DAB1: variants seen among roughly 807,000 people sequenced by gnomAD.
DAB1 encodes disabled homolog 1.
A neutral mutation model predicts 64.6 loss-of-function variants in DAB1; 15 were observed. The observed-to-expected ratio is 0.23, with a 90% CI of 0.16 to 0.36. The LOEUF is 0.36. Among genes scored for constraint, DAB1 ranks in the 10% least tolerant of loss-of-function variants. The probability of loss-of-function intolerance (pLI) is 1.00; values close to 1 mark genes in which losing one functional copy is unlikely to be tolerated. For synonymous variants in DAB1, 235 were observed against 251.9 expected (o/e 0.93, Z 0.64); for missense variants, 596 against 706.7 (o/e 0.84, Z 1.78).
At chr1:57,161,564 C>T (rs998816280) in intron 2 of DAB1, among the ~76,000 whole-genome samples, 5 of 152,076 alleles carry the variant, frequency 3.3e-5, no homozygotes, top group African/African-American at 7.2e-5. Context: ...CTGACAAAGT[C>T]GTATTAGCTG....
intron 5 of DAB1, among the ~76,000 whole-genome samples, chr1:57,907,993 TAA>T (rs2102004309): frequency 6.6e-6 from 1 of 151,788 alleles, no homozygotes; most frequent in African/African-American, 2.4e-5. Context: ...TTACTAAATA[TAA>T]GTCCTCTCCC....
At chr1:57,354,820 C>T (rs1206352035) in intron 1 of DAB1, among the ~76,000 whole-genome samples, 2 of 152,090 alleles carry the variant, frequency 1.3e-5, no homozygotes, top group Non-Finnish European at 2.9e-5. Flanking sequence ...AGTGAATCAA[C>T]TGTCAATGGT....
At chr1:57,985,869 C>A (rs1646205118) in intron 5 of DAB1, among the ~76,000 whole-genome samples, 1 of 152,076 alleles carries the variant, frequency 6.6e-6, no homozygotes, top group Admixed American at 6.6e-5. Flanking sequence ...GTGTGAACAA[C>A]CTAAGTGATC....
At chr1:58,171,196 G>C (rs1469228218) in intron 4 of DAB1, among the ~76,000 whole-genome samples, 1 of 152,154 alleles carries the variant, frequency 6.6e-6, no homozygotes, top group Non-Finnish European at 1.5e-5. Context: ...CCCTACTTGA[G>C]GAGGGAATCA....
chr1:57,472,583 C>A (rs530940687), intron 7 of DAB1, among the ~76,000 whole-genome samples: 4 of 152,102 alleles, frequency 2.6e-5, no homozygotes, highest in African/African-American at 9.7e-5. Flanking sequence ...TGTTTTGTTC[C>A]GATCTAATTA....
At chr1:58,223,629 A>G (rs1162162040) in intron 4 of DAB1, among the ~76,000 whole-genome samples, 1 of 152,148 alleles carries the variant, frequency 6.6e-6, no homozygotes. Flanking sequence ...CAGCCCAACG[A>G]ATCTGAAGAA....
chr1:57,262,598 G>A (rs769328379), intron 2 of DAB1, among the ~76,000 whole-genome samples: 1 of 152,158 alleles, frequency 6.6e-6, no homozygotes, highest in African/African-American at 2.4e-5. Flanking sequence ...CCTACTTTCC[G>A]CTCTTATCAC....
At chr1:58,420,985 A>AC (rs1449061592) in intron 3 of DAB1, among the ~76,000 whole-genome samples, 3 of 152,176 alleles carry the variant, frequency 2.0e-5, no homozygotes, top group Non-Finnish European at 4.4e-5. Flanking sequence ...ATGAAAGAAA[A>AC]CCAGAAGCCT....
At chr1:58,054,642 C>T (rs7549327) in intron 5 of DAB1, among the ~76,000 whole-genome samples, 8,510 of 152,284 alleles carry the variant, frequency 0.056, 794 homozygotes, top group African/African-American at 0.2. Flanking sequence ...GATATTTCCT[C>T]ACCATGGGGA....
At chr1:57,383,681 T>G (rs912113007) in intron 1 of DAB1, among the ~76,000 whole-genome samples, 10 of 152,158 alleles carry the variant, frequency 6.6e-5, no homozygotes, top group South Asian at 4.1e-4. Flanking sequence ...TAGCAAACAG[T>G]GTTGGGAAAA....
At chr1:57,665,889 G>A (rs115762771) in intron 6 of DAB1, among the ~76,000 whole-genome samples, 2,465 of 148,060 alleles carry the variant, frequency 0.017, 34 homozygotes, top group Middle Eastern at 0.045. Context: ...GTGTGTTTGC[G>A]TGTGCATGTG....
intron 6 of DAB1, among the ~76,000 whole-genome samples, chr1:57,749,473 T>G (rs1383841561): frequency 2.0e-5 from 3 of 152,172 alleles, no homozygotes; most frequent in Non-Finnish European, 4.4e-5. Flanking sequence ...CAGGTTCTTT[T>G]GAAGAGTTGG....
chr1:58,474,369 T>C (rs919962811), intron 3 of DAB1, among the ~76,000 whole-genome samples: 2 of 152,122 alleles, frequency 1.3e-5, no homozygotes, highest in Admixed American at 6.5e-5. Flanking sequence ...GCAAAAGTAA[T>C]TGCCTTTTAA....
intron 1 of DAB1, among the ~76,000 whole-genome samples, chr1:57,407,842 G>T (rs1384909791): frequency 6.6e-6 from 1 of 151,730 alleles, no homozygotes; most frequent in Non-Finnish European, 1.5e-5. Flanking sequence ...ACAAATGTAA[G>T]ATTACCACTG....
intron 5 of DAB1, among the ~76,000 whole-genome samples, chr1:58,120,056 C>T (rs963348114): frequency 2.0e-5 from 3 of 152,124 alleles, no homozygotes; most frequent in African/African-American, 4.8e-5. Flanking sequence ...CCTGAAATGT[C>T]CTTTACTGGC....
intron 7 of DAB1, among the ~76,000 whole-genome samples, chr1:57,495,211 T>C (rs1644215844): frequency 6.6e-6 from 1 of 152,212 alleles, no homozygotes; most frequent in Non-Finnish European, 1.5e-5. Flanking sequence ...ACATCTCACT[T>C]AGCCTAAGAG....
At chr1:57,252,520 T>C (rs1416451859) in intron 2 of DAB1, among the ~76,000 whole-genome samples, 1 of 152,178 alleles carries the variant, frequency 6.6e-6, no homozygotes, top group African/African-American at 2.4e-5. Context: ...TTTATTGTCC[T>C]CTTAAAAAAA....
intron 3 of DAB1, among the ~76,000 whole-genome samples, chr1:58,363,829 T>A (rs143636984): frequency 1.3e-3 from 203 of 152,110 alleles, no homozygotes; most frequent in Non-Finnish European, 2.1e-3. Context: ...TTTATTCTCT[T>A]CTGTTGCTGC....
chr1:58,339,383 G>A (rs1663197558), intron 4 of DAB1, among the ~76,000 whole-genome samples: 1 of 152,092 alleles, frequency 6.6e-6, no homozygotes, highest in Non-Finnish European at 1.5e-5. Context: ...TTATCCTCAA[G>A]GAGCTTATAT....
Sources: allele counts gnomAD v4.1 joint callset (sites outside exome capture counted in the v4.1 genomes callset), GRCh38; gene constraint gnomAD v4.1.1; transcripts MANE v1.5; gene names NCBI Gene and HGNC (gene_info 2026-07-23, HGNC 2026-07-21).